Variants in RGS8 observed in about 807,000 individuals in gnomAD.
The protein encoded by RGS8 is regulator of G protein signaling 8.
A neutral mutation model predicts 21.7 loss-of-function variants in RGS8; 8 were observed. That is an observed-to-expected ratio of 0.37 (90% confidence interval 0.22 to 0.66). The LOEUF (loss-of-function observed/expected upper bound fraction) is 0.66. Among genes scored for constraint, RGS8 ranks in the 30% least tolerant of loss-of-function variants. The probability of loss-of-function intolerance (pLI) is 0.59; values close to 1 mark genes in which losing one functional copy is unlikely to be tolerated. For missense variants in RGS8, 157 were observed against 217.9 expected (o/e 0.72, Z 1.76); for synonymous variants, 80 against 83.6 (o/e 0.96, Z 0.24).
At chr1:182,669,147 GTTT>G (rs1664027809) in intron 3 of RGS8, among the ~76,000 whole-genome samples, 1 of 152,206 alleles carries the variant, frequency 6.6e-6, no homozygotes, top group East Asian at 1.9e-4. Context: ...GGACAAAATG[GTTT>G]TTATTTTTCA....
intron 3 of RGS8, among the ~76,000 whole-genome samples, chr1:182,668,745 A>G (rs1231262800): frequency 6.6e-6 from 1 of 152,158 alleles, no homozygotes; most frequent in Non-Finnish European, 1.5e-5. Flanking sequence ...GGCTACTGCT[A>G]TTCTCTCTCC....
At chr1:182,717,409 C>T in the RGS8 span, among the ~76,000 whole-genome samples, 1 of 152,170 alleles carries the variant, frequency 6.6e-6, no homozygotes, top group African/African-American at 2.4e-5. Flanking sequence ...AGAGTATCTC[C>T]TTCCTTTTAC....
the RGS8 span, chr1:182,712,953 C>A: frequency 1.3e-5 from 2 of 152,062 alleles, no homozygotes; most frequent in Non-Finnish European, 2.9e-5. Context: ...ATTTCACCTA[C>A]CCAGTTGTTT....
the RGS8 span, among the ~76,000 whole-genome samples, chr1:182,718,858 C>T: frequency 2.0e-5 from 3 of 152,158 alleles, no homozygotes; most frequent in Admixed American, 1.3e-4. Flanking sequence ...TGAATCCAAT[C>T]TCAACAAATT....
chr1:182,648,499 C>T lies in RGS8; in HGVS notation c.194-196G>A, dbSNP rs551661635. On this transcript the variant is annotated intron_variant, in intron 5 of 6. Transcript: ENST00000483095. ...CTGTAATCTCAGCACTTTGGGAGGC[C>T]GAGGTGGGTGGATCACCTGAGGTCA... Among the ~76,000 whole-genome samples the T allele has an allele frequency of 3.5e-3, 527 of 151,628 alleles. 6 individuals carry two copies. The highest frequency in any genetic ancestry group is 6.9e-3 in the Middle Eastern group (2 of 290).
the RGS8 span, among the ~76,000 whole-genome samples, chr1:182,701,792 C>T: frequency 6.6e-6 from 1 of 152,180 alleles, no homozygotes; most frequent in Admixed American, 6.5e-5. Flanking sequence ...TTCTTCACTG[C>T]TGGGGTTCTC....
chr1:182,690,908 A>G, the RGS8 span, among the ~76,000 whole-genome samples: 1 of 152,174 alleles, frequency 6.6e-6, no homozygotes, highest in African/African-American at 2.4e-5. Flanking sequence ...GCACTTACAA[A>G]TTGGGGCTTG....
chr1:182,657,103 C>A (rs1663319918), intron 5 of RGS8, among the ~76,000 whole-genome samples: 2 of 148,786 alleles, frequency 1.3e-5, no homozygotes, highest in South Asian at 4.3e-4. Flanking sequence ...ACCCCCCTGG[C>A]CCACCTTTCC....
the RGS8 span, among the ~76,000 whole-genome samples, chr1:182,690,443 C>T: frequency 9.9e-5 from 15 of 152,200 alleles, no homozygotes; most frequent in Admixed American, 8.5e-4. Flanking sequence ...GTACCTCTCA[C>T]CCTAGGTTAT....
chr1:182,643,218 C>T (rs371879027), downstream of RGS8: 2 of 152,204 alleles, frequency 1.3e-5, no homozygotes, highest in South Asian at 2.1e-4. Flanking sequence ...GCAGCCATCC[C>T]GAGTCAGGCT....
chr1:182,732,219 G>C, the RGS8 span, among the ~76,000 whole-genome samples: 3 of 151,048 alleles, frequency 2.0e-5, no homozygotes, highest in Admixed American at 2.0e-4. Flanking sequence ...CAGAACAAGC[G>C]CTCTCTCTCT....
the RGS8 span, among the ~76,000 whole-genome samples, chr1:182,729,667 T>C: frequency 6.6e-6 from 1 of 152,212 alleles, no homozygotes; most frequent in Non-Finnish European, 1.5e-5. Flanking sequence ...AAATCTTATA[T>C]AGATTTAATA....
chr1:182,694,171 T>C, the RGS8 span, among the ~76,000 whole-genome samples: 1 of 152,228 alleles, frequency 6.6e-6, no homozygotes, highest in Non-Finnish European at 1.5e-5. Context: ...TGTATTTGTT[T>C]CTTCTGAAAT....
At chr1:182,722,467 C>T in the RGS8 span, among the ~76,000 whole-genome samples, 6,131 of 151,854 alleles carry the variant, frequency 0.04, 135 homozygotes, top group Middle Eastern at 0.059. Flanking sequence ...GTCAGCCTGC[C>T]ATGCTCCCTC....
the RGS8 span, among the ~76,000 whole-genome samples, chr1:182,708,417 G>C: frequency 6.6e-6 from 1 of 152,198 alleles, no homozygotes; most frequent in South Asian, 2.1e-4. Flanking sequence ...AGCCGCTGCA[G>C]GTCCCTGTGC....
chr1:182,736,291 T>C, the RGS8 span, among the ~76,000 whole-genome samples: 1 of 152,350 alleles, frequency 6.6e-6, no homozygotes, highest in African/African-American at 2.4e-5. Flanking sequence ...AAGCAATTGC[T>C]AAAACATGAC....
chr1:182,729,131 A>C, the RGS8 span, among the ~76,000 whole-genome samples: 17 of 152,362 alleles, frequency 1.1e-4, no homozygotes, highest in African/African-American at 3.8e-4. Context: ...AATTAGCTGG[A>C]TTAAAAAATT....
At chr1:182,750,958 A>T in the RGS8 span, among the ~76,000 whole-genome samples, 4 of 152,226 alleles carry the variant, frequency 2.6e-5, no homozygotes, top group African/African-American at 9.6e-5. Context: ...TTTGGCTTTA[A>T]AATAAAGCAA....
the RGS8 span, among the ~76,000 whole-genome samples, chr1:182,694,404 C>T: frequency 3.3e-5 from 5 of 152,188 alleles, no homozygotes. Flanking sequence ...GCCTTGCTTT[C>T]TGTGATTTCC....
Sources: allele counts gnomAD v4.1 joint callset (sites outside exome capture counted in the v4.1 genomes callset), GRCh38; gene constraint gnomAD v4.1.1; transcripts MANE v1.5; gene names NCBI Gene and HGNC (gene_info 2026-07-23, HGNC 2026-07-21).